NDUFAF6: variants seen among roughly 807,000 people sequenced by gnomAD.
NDUFAF6 encodes NADH:ubiquinone oxidoreductase complex assembly factor 6, also known as NADH dehydrogenase (ubiquinone) complex I, assembly factor 6.
A neutral mutation model predicts 40.8 loss-of-function variants in NDUFAF6; 45 were observed. That is an observed-to-expected ratio of 1.10 (90% confidence interval 0.87 to 1.42). The LOEUF is 1.42. Among genes scored for constraint, NDUFAF6 ranks in the 40% most tolerant of loss-of-function variants. The pLI is 0.00. For synonymous variants in NDUFAF6, 185 were observed against 155.9 expected (o/e 1.19, Z -1.39); for missense variants, 435 against 418.5 (o/e 1.04, Z -0.34).
intron 2 of NDUFAF6, among the ~76,000 whole-genome samples, chr8:95,008,528 G>A (rs899477307): frequency 3.9e-5 from 6 of 152,162 alleles, no homozygotes; most frequent in Middle Eastern, 3.4e-3. Flanking sequence ...TTTTTGAGAT[G>A]GAGTTTTCAC....
At chr8:95,014,756 T>G (rs1827370078) in intron 2 of NDUFAF6, among the ~76,000 whole-genome samples, 1 of 152,200 alleles carries the variant, frequency 6.6e-6, no homozygotes, top group South Asian at 2.1e-4. Flanking sequence ...AGCTAGGATT[T>G]GGGGATCAAC....
chr8:95,118,316 C>CAAGGCAAGTCACT (rs1269850827), downstream of NDUFAF6, among the ~76,000 whole-genome samples: 1 of 152,156 alleles, frequency 6.6e-6, no homozygotes, highest in African/African-American at 2.4e-5. Context: ...TTCTGTTGGT[C>CAAGGCAAGTCACT]AAGGCAAGTC....
At chr8:94,921,601 A>G (rs939081812) in intron 1 of NDUFAF6, among the ~76,000 whole-genome samples, 3 of 152,212 alleles carry the variant, frequency 2.0e-5, no homozygotes, top group African/African-American at 7.2e-5. Flanking sequence ...CTTAATTACA[A>G]ATAAATTCTT....
At chr8:94,927,898 A>G (rs566997155) in intron 1 of NDUFAF6, 14 of 100,112 alleles carry the variant, frequency 1.4e-4, no homozygotes, top group African/African-American at 4.4e-4. Context: ...GTAAACCACT[A>G]ATATTTACAA....
intron 2 of NDUFAF6, among the ~76,000 whole-genome samples, chr8:95,007,393 A>G (rs1055286312): frequency 1.3e-5 from 2 of 152,134 alleles, no homozygotes; most frequent in African/African-American, 4.8e-5. Context: ...CGCCAGGCAC[A>G]TGACTCATGC....
intron 5 of NDUFAF6, chr8:95,116,254 T>G (rs1810134197): frequency 6.6e-6 from 1 of 152,324 alleles, no homozygotes; most frequent in Admixed American, 6.5e-5. Flanking sequence ...TTTAAAGTTT[T>G]TTTTTTTTTT....
At chr8:95,115,367 T>C (rs1810110259) in intron 4 of NDUFAF6, among the ~76,000 whole-genome samples, 1 of 152,206 alleles carries the variant, frequency 6.6e-6, no homozygotes, top group African/African-American at 2.4e-5. Context: ...ATGCTATTTC[T>C]GGAAGGCATC....
At chr8:95,070,777 T>G (rs1832823186) in intron 9 of NDUFAF6, among the ~76,000 whole-genome samples, 1 of 152,204 alleles carries the variant, frequency 6.6e-6, no homozygotes, top group African/African-American at 2.4e-5. Context: ...GAATTTCTGG[T>G]ATCACAGTTC....
At chr8:95,078,287 G>C (rs570458857), downstream of NDUFAF6, among the ~76,000 whole-genome samples, 1 of 152,036 alleles carries the variant, frequency 6.6e-6, no homozygotes, top group Non-Finnish European at 1.5e-5. Flanking sequence ...CTGTGGTTTT[G>C]GCAAATGCAT....
rs77113110 is a variant in NDUFAF6 at position 95,075,896 on chromosome 8, G to A, written c.*775G>A. ...CACAGGTCGATGTTAGTGTGAGCCA[G>A]ACTGGGCAACTACACAAAATCAAAA... is the stretch of plus-strand genomic sequence containing the variant. On this transcript the variant is annotated 3_prime_UTR_variant and NMD_transcript_variant, in exon 10 of 10. Coordinates refer to the NDUFAF6 transcript ENST00000520757. 4.5e-3 allele frequency: 1,548 copies of A among 345,542 alleles called. 15 individuals carry two copies. The highest frequency in any genetic ancestry group is 0.026 in the African/African-American group (1,225 of 46,592). The allele number at this position is 345,542 out of a possible 1,614,324, so 21.4% of individuals were successfully genotyped here.
chr8:94,964,131 A>G (rs564158083), intron 1 of NDUFAF6, among the ~76,000 whole-genome samples: 7 of 152,242 alleles, frequency 4.6e-5, no homozygotes, highest in African/African-American at 1.7e-4. Context: ...TTAAATTGCT[A>G]TGAAGAAATA....
chr8:94,909,033 T>C (rs575758456), intron 1 of NDUFAF6, among the ~76,000 whole-genome samples: 1 of 152,110 alleles, frequency 6.6e-6, no homozygotes, highest in Non-Finnish European at 1.5e-5. Flanking sequence ...TATCCAAAGG[T>C]ACACATCCAG....
chr8:94,940,942 T>C, intron 1 of NDUFAF6: 2 of 1,610,882 alleles, frequency 1.2e-6, no homozygotes, highest in Non-Finnish European at 1.7e-6. Context: ...TCTGGAACAT[T>C]GTTAAGGCAA....
intron 1 of NDUFAF6, among the ~76,000 whole-genome samples, chr8:94,944,026 T>G (rs1471489803): frequency 1.3e-5 from 2 of 152,258 alleles, no homozygotes; most frequent in African/African-American, 4.8e-5. Flanking sequence ...TAAAGATTTT[T>G]GAGGATACAT....
downstream of NDUFAF6, among the ~76,000 whole-genome samples, chr8:95,104,276 TGGGA>T (rs1809748438): frequency 6.6e-6 from 1 of 152,174 alleles, no homozygotes; most frequent in Non-Finnish European, 1.5e-5. Context: ...TGAAACAACT[TGGGA>T]TCCTCATTCT....
intron 1 of NDUFAF6, among the ~76,000 whole-genome samples, chr8:95,100,948 C>T (rs561704372): frequency 2.0e-5 from 3 of 152,266 alleles, no homozygotes; most frequent in South Asian, 2.1e-4. Flanking sequence ...TGTTGGCTGC[C>T]TCCTAGCTTA....
intron 4 of NDUFAF6, among the ~76,000 whole-genome samples, chr8:95,108,659 G>A (rs6996516): frequency 0.22 from 33,912 of 152,014 alleles, 4,198 homozygotes; most frequent in African/African-American, 0.32. Context: ...CAGTGTGAAT[G>A]TACTTAAGAC....
chr8:95,062,087 G>A (rs1032937302), downstream of NDUFAF6, among the ~76,000 whole-genome samples: 1 of 151,914 alleles, frequency 6.6e-6, no homozygotes, highest in Admixed American at 6.6e-5. Context: ...AGCACAGGAG[G>A]TGGAGGTTGC....
At chr8:95,090,746 C>T (rs1946941) in intron 2 of NDUFAF6, among the ~76,000 whole-genome samples, 105,707 of 151,974 alleles carry the variant, frequency 0.7, 37,360 homozygotes, top group East Asian at 0.89. Context: ...AGTTGGTGGG[C>T]TGGGGAAAGC....
Sources: gnomAD v4.1 joint callset for allele counts (sites outside exome capture counted in the v4.1 genomes callset) on GRCh38, gnomAD v4.1.1 for gene constraint, MANE v1.5 for transcripts, NCBI Gene and HGNC (gene_info 2026-07-23, HGNC 2026-07-21) for gene names.